Variants in NRG4 observed in about 807,000 individuals in gnomAD.
NRG4 encodes the protein neuregulin 4, also known as pro-neuregulin-4, membrane-bound isoform.
A neutral mutation model predicts 15.0 loss-of-function variants in NRG4; 10 were observed. The ratio of observed to expected loss-of-function variants is 0.67; its 90% CI spans 0.41 to 1.13. The LOEUF (loss-of-function observed/expected upper bound fraction) is 1.13. NRG4 is among the 50% of genes most tolerant of loss of function. NRG4 has a pLI of 0.00. For missense variants in NRG4, 139 were observed against 140.2 expected (o/e 0.99, Z 0.04); for synonymous variants, 41 against 50.1 (o/e 0.82, Z 0.77).
At chr15:76,052,930 G>A (rs1029883559) in intron 3 of NRG4, 3 of 151,122 alleles carry the variant, frequency 2.0e-5, no homozygotes, top group Admixed American at 1.3e-4. Flanking sequence ...CATCAAAAAT[G>A]TATCTACCTT....
chr15:75,968,728 C>T (rs763883587), intron 3 of NRG4, among the ~76,000 whole-genome samples: 1 of 151,850 alleles, frequency 6.6e-6, no homozygotes, highest in African/African-American at 2.4e-5. Flanking sequence ...TAGCAAGACC[C>T]CTGTCTCAAA....
chr15:76,004,599 C>CAAA (rs550312663), intron 3 of NRG4, among the ~76,000 whole-genome samples: 1 of 60,232 alleles, frequency 1.7e-5, no homozygotes, highest in Non-Finnish European at 3.4e-5. Flanking sequence ...AACTCCGTCT[C>CAAA]AAAAAAAAAA....
At chr15:76,008,658 T>C (rs908793988) in intron 3 of NRG4, among the ~76,000 whole-genome samples, 3 of 152,160 alleles carry the variant, frequency 2.0e-5, no homozygotes, top group African/African-American at 7.2e-5. Flanking sequence ...GTATCTATAC[T>C]CCCACAGTGA....
At chr15:76,021,048 A>C (rs2035135901) in intron 5 of NRG4, among the ~76,000 whole-genome samples, 1 of 152,248 alleles carries the variant, frequency 6.6e-6, no homozygotes. Context: ...CTGGCTTCTA[A>C]GCTTCGAAGG....
At chr15:75,937,731 G>A (rs891834026), downstream of NRG4, 1 of 152,122 alleles carries the variant, frequency 6.6e-6, no homozygotes, top group African/African-American at 2.4e-5. Flanking sequence ...GAGAAAACAT[G>A]CTAGACCTTT....
intron 3 of NRG4, among the ~76,000 whole-genome samples, chr15:75,972,630 C>G (rs568662452): frequency 2.6e-5 from 4 of 152,118 alleles, no homozygotes; most frequent in Non-Finnish European, 5.9e-5. Flanking sequence ...GTGGAGAATC[C>G]TTTCCCCCTT....
upstream of NRG4, among the ~76,000 whole-genome samples, chr15:76,014,555 T>C (rs978029986): frequency 8.5e-5 from 13 of 152,234 alleles, no homozygotes; most frequent in African/African-American, 3.1e-4. Context: ...TTCAGTTTTC[T>C]GCATATGGCT....
chr15:75,961,983 T>G lies in NRG4; in HGVS notation c.105-9A>C, dbSNP rs117827404. 7.5e-4 allele frequency: 1,190 copies of G among 1,590,766 alleles called. 15 individuals are homozygous for G. In the East Asian group the frequency reaches 0.025, roughly 34 times the overall value. ...TATAGTTTTCAACGCACCTACAGAA[T>G]AAAATTTTAGATAAAGAATTGCATT... On this transcript the variant is annotated splice_polypyrimidine_tract_variant and intron_variant, in intron 3 of 5. Coordinates refer to ENST00000394907, the MANE Select transcript of NRG4 (RefSeq NM_138573.4).
At chr15:76,019,147 T>C (rs2035074852) in intron 5 of NRG4, among the ~76,000 whole-genome samples, 1 of 152,118 alleles carries the variant, frequency 6.6e-6, no homozygotes, top group Admixed American at 6.5e-5. Flanking sequence ...GAAAAACACC[T>C]ACTCAAGCCT....
intron 4 of NRG4, among the ~76,000 whole-genome samples, chr15:76,036,183 A>G (rs1315406974): frequency 6.6e-6 from 1 of 152,244 alleles, no homozygotes; most frequent in Non-Finnish European, 1.5e-5. Flanking sequence ...AGGCCCTGGT[A>G]AAAATTTCAC....
At chr15:76,007,460 C>G (rs539197317) in intron 3 of NRG4, among the ~76,000 whole-genome samples, 10 of 143,032 alleles carry the variant, frequency 7.0e-5, no homozygotes, top group African/African-American at 2.4e-4. Context: ...GACGGAGTCT[C>G]GCTCTGTCGC....
intron 5 of NRG4, among the ~76,000 whole-genome samples, chr15:76,028,903 C>CAA (rs34533266): frequency 0.015 from 813 of 53,790 alleles, 13 homozygotes; most frequent in African/African-American, 0.032. Flanking sequence ...ACTCCTCCTC[C>CAA]AAAAAAAAAA....
intron 4 of NRG4, among the ~76,000 whole-genome samples, chr15:76,046,723 A>G (rs1309432231): frequency 6.6e-6 from 1 of 151,142 alleles, no homozygotes; most frequent in Non-Finnish European, 1.5e-5. Flanking sequence ...AGAAGAAAAC[A>G]TTGGAGAGAT....
At chr15:75,990,339 G>A (rs1303436975) in intron 3 of NRG4, among the ~76,000 whole-genome samples, 3 of 152,102 alleles carry the variant, frequency 2.0e-5, no homozygotes, top group African/African-American at 7.2e-5. Context: ...AGCAAGACCA[G>A]AGTACTCCGC....
chr15:76,025,449 G>C (rs2035286489), intron 5 of NRG4, among the ~76,000 whole-genome samples: 1 of 151,476 alleles, frequency 6.6e-6, no homozygotes, highest in Non-Finnish European at 1.5e-5. Flanking sequence ...AAAAAAAAGA[G>C]AATATAGATA....
chr15:76,004,426 T>G (rs576337392), intron 3 of NRG4, among the ~76,000 whole-genome samples: 1 of 151,138 alleles, frequency 6.6e-6, no homozygotes, highest in Non-Finnish European at 1.5e-5. Context: ...AATGGAGAAA[T>G]CTTGTCTCTA....
intron 5 of NRG4, among the ~76,000 whole-genome samples, chr15:76,029,810 T>A (rs2141940007): frequency 6.6e-6 from 1 of 152,268 alleles, no homozygotes; most frequent in East Asian, 1.9e-4. Flanking sequence ...TGCTCATGGA[T>A]CAGAAGGTTT....
chr15:76,056,148 TA>T (rs113055334), intron 2 of NRG4, among the ~76,000 whole-genome samples: 1 of 151,944 alleles, frequency 6.6e-6, no homozygotes, highest in African/African-American at 2.4e-5. Flanking sequence ...AGGATTTTTT[TA>T]AAAAAAACGA....
intron 4 of NRG4, among the ~76,000 whole-genome samples, chr15:76,050,107 A>G (rs1252486265): frequency 6.6e-6 from 1 of 150,916 alleles, no homozygotes; most frequent in African/African-American, 2.5e-5. Flanking sequence ...GAAATATATC[A>G]TGTTAGCCTT....
Sources: gnomAD v4.1 joint callset for allele counts (sites outside exome capture counted in the v4.1 genomes callset) on GRCh38, gnomAD v4.1.1 for gene constraint, MANE v1.5 for transcripts, NCBI Gene and HGNC (gene_info 2026-07-23, HGNC 2026-07-21) for gene names.